The following MGAT4C variants were observed in gnomAD, a reference collection of about 807,000 sequenced individuals.
The protein encoded by MGAT4C is alpha-1,3-mannosyl-glycoprotein 4-beta-N-acetylglucosaminyltransferase C.
A neutral mutation model predicts 40.1 loss-of-function variants in MGAT4C; 19 were observed. The ratio of observed to expected loss-of-function variants is 0.47; its 90% CI spans 0.33 to 0.70. The LOEUF (loss-of-function observed/expected upper bound fraction) is 0.70. MGAT4C is among the 30% of genes least tolerant of loss of function. The pLI is 0.02. For synonymous variants in MGAT4C, 181 were observed against 187.1 expected, an observed-to-expected ratio of 0.97 and a Z score of 0.27; for missense variants, 491 against 563.2, an observed-to-expected ratio of 0.87 and a Z score of 1.30.
At chr12:86,074,341 G>GATA (rs771242981) in intron 1 of MGAT4C, among the ~76,000 whole-genome samples, 2 of 130,134 alleles carry the variant, frequency 1.5e-5, no homozygotes, top group Non-Finnish European at 3.2e-5. Context: ...TAAACATATA[G>GATA]ATAGATAGAT....
At chr12:86,317,219 C>G (rs1954261551) in intron 4 of MGAT4C, among the ~76,000 whole-genome samples, 10 of 151,478 alleles carry the variant, frequency 6.6e-5, no homozygotes, top group Admixed American at 5.9e-4. Flanking sequence ...ATATTATTAA[C>G]AAAAAAGAGC....
chr12:86,502,236 A>G (rs1958358562), intron 2 of MGAT4C, among the ~76,000 whole-genome samples: 1 of 152,052 alleles, frequency 6.6e-6, no homozygotes, highest in Non-Finnish European at 1.5e-5. Context: ...TAAGTGAGAG[A>G]AGCAAATCCT....
In MGAT4C at chr12:86,164,955, G is replaced by T. The variant is rs191460162; in HGVS notation, c.-57+91284C>A. ...GACATTGAACTAAAAAATTCATTTA[G>T]GCTAAAATGTAGGAAGGGAATATTG... On this transcript the variant is annotated intron_variant, in intron 1 of 4. Transcript: ENST00000611864. Among the ~76,000 whole-genome samples, 309 of 152,202 alleles carry T rather than the reference G, an allele frequency of 2.0e-3. 2 individuals are homozygous for T. Among genetic ancestry groups the T allele is most frequent in the African/African-American group, 7.0e-3 (291 of 41,548 alleles).
At chr12:86,710,386 C>G (rs1242481662) in intron 2 of MGAT4C, among the ~76,000 whole-genome samples, 1 of 152,186 alleles carries the variant, frequency 6.6e-6, no homozygotes, top group African/African-American at 2.4e-5. Context: ...CTTACATCAG[C>G]TTCCATAACA....
chr12:86,135,601 T>A (rs1881834275), intron 1 of MGAT4C, among the ~76,000 whole-genome samples: 1 of 152,158 alleles, frequency 6.6e-6, no homozygotes, highest in South Asian at 2.1e-4. Context: ...ATACCTGCCT[T>A]CTGGATATCT....
chr12:86,081,381 G>A (rs1225171144), intron 1 of MGAT4C, among the ~76,000 whole-genome samples: 2 of 152,200 alleles, frequency 1.3e-5, no homozygotes, highest in East Asian at 3.9e-4. Flanking sequence ...AGAGACAAAT[G>A]AACATTGTAC....
intron 2 of MGAT4C, among the ~76,000 whole-genome samples, chr12:86,511,209 A>G (rs1356082745): frequency 2.0e-5 from 3 of 152,056 alleles, no homozygotes; most frequent in Non-Finnish European, 4.4e-5. Flanking sequence ...GCTCAACTAC[A>G]TGGAAACTGA....
intron 1 of MGAT4C, among the ~76,000 whole-genome samples, chr12:86,750,385 T>G (rs1006294302): frequency 6.6e-6 from 1 of 151,894 alleles, no homozygotes; most frequent in African/African-American, 2.4e-5. Flanking sequence ...TCACGGGCTA[T>G]ACTTTCTACC....
intron 1 of MGAT4C, among the ~76,000 whole-genome samples, chr12:86,764,062 T>C (rs369846130): frequency 3.3e-4 from 50 of 152,154 alleles, no homozygotes; most frequent in East Asian, 2.1e-3. Context: ...GGGTGAGGCA[T>C]TGCCTCACTC....
intron 1 of MGAT4C, among the ~76,000 whole-genome samples, chr12:86,788,107 A>T (rs1450699101): frequency 2.0e-5 from 3 of 151,336 alleles, no homozygotes; most frequent in East Asian, 3.9e-4. Context: ...TTATATATAT[A>T]TTTTAAAATT....
At chr12:86,838,193 T>C (rs1953079737) in intron 1 of MGAT4C, among the ~76,000 whole-genome samples, 1 of 152,156 alleles carries the variant, frequency 6.6e-6, no homozygotes, top group African/African-American at 2.4e-5. Flanking sequence ...ACTTTCATCA[T>C]TCAAATATTT....
In MGAT4C at chr12:86,604,767, C is replaced by G. The variant is rs557303239; in HGVS notation, c.-229+122442G>C. 2.6e-5 allele frequency among the ~76,000 whole-genome samples: 4 copies of G among 151,864 alleles called. No individual in the cohort carries two copies. The South Asian group carries it at 8.3e-4, about 32-fold the overall frequency. On this transcript the variant is annotated intron_variant, in intron 2 of 7. Transcript: ENST00000548651. ...CTTGTCTATATTATATACTGAAGAA[C>G]AAAAGAAACACATAAAATACATACT... is the stretch of plus-strand genomic sequence containing the variant.
At chr12:86,543,025 T>C (rs1959175983) in intron 2 of MGAT4C, among the ~76,000 whole-genome samples, 1 of 152,076 alleles carries the variant, frequency 6.6e-6, no homozygotes, top group Non-Finnish European at 1.5e-5. Context: ...TAACTAGACA[T>C]ATGTTACTTT....
chr12:85,988,318 C>G (rs1052447177), intron 3 of MGAT4C, among the ~76,000 whole-genome samples: 1 of 152,040 alleles, frequency 6.6e-6, no homozygotes, highest in Non-Finnish European at 1.5e-5. Flanking sequence ...CAGAGGACTT[C>G]TTAGGAATAT....
chr12:86,079,157 C>T (rs573734654), intron 1 of MGAT4C, among the ~76,000 whole-genome samples: 12 of 151,954 alleles, frequency 7.9e-5, no homozygotes, highest in Non-Finnish European at 1.3e-4. Context: ...GGTGGAATGC[C>T]CTGGTTGAAA....
intron 2 of MGAT4C, among the ~76,000 whole-genome samples, chr12:86,692,746 T>C (rs1950192400): frequency 6.6e-6 from 1 of 152,164 alleles, no homozygotes; most frequent in African/African-American, 2.4e-5. Flanking sequence ...GATCCACCTA[T>C]ACAGTCTTGG....
At chr12:86,670,947 T>A (rs887395555) in intron 2 of MGAT4C, among the ~76,000 whole-genome samples, 1 of 152,208 alleles carries the variant, frequency 6.6e-6, no homozygotes, top group Middle Eastern at 3.2e-3. Flanking sequence ...CTTCATTCTA[T>A]TTATACCATT....
chr12:86,228,265 A>G (rs771411545), intron 1 of MGAT4C, among the ~76,000 whole-genome samples: 7 of 151,882 alleles, frequency 4.6e-5, no homozygotes, highest in Non-Finnish European at 1.0e-4. Context: ...ATAGAAAGAG[A>G]GGATAAAACC....
chr12:86,130,764 T>C (rs79353385), intron 1 of MGAT4C, among the ~76,000 whole-genome samples: 17,091 of 152,034 alleles, frequency 0.11, 2,064 homozygotes, highest in African/African-American at 0.3. Context: ...TTTAAATTTA[T>C]AAATTTTCAG....
Sources: allele counts gnomAD v4.1 joint callset (sites outside exome capture counted in the v4.1 genomes callset), GRCh38; gene constraint gnomAD v4.1.1; transcripts MANE v1.5; gene names NCBI Gene and HGNC (gene_info 2026-07-23, HGNC 2026-07-21).